CNTNAP3B: variants seen among roughly 807,000 people sequenced by gnomAD.
CNTNAP3B encodes contactin associated protein family member 3B, also known as contactin-associated protein-like 3B.
Under a neutral mutation model 108.9 loss-of-function variants are expected in CNTNAP3B, and 25 were observed. The ratio of observed to expected loss-of-function variants is 0.23; its 90% CI spans 0.17 to 0.32. The LOEUF (loss-of-function observed/expected upper bound fraction) is 0.32. CNTNAP3B is among the 10% of genes least tolerant of loss of function. The pLI is 1.00. For synonymous variants in CNTNAP3B, 103 were observed against 473.4 expected (o/e 0.22, Z 10.16); for missense variants, 252 against 1,210.4 (o/e 0.21, Z 11.75).
chr9:42,112,240 A>G (rs1247214378), intron 1 of CNTNAP3B, among the ~76,000 whole-genome samples: 1 of 139,504 alleles, frequency 7.2e-6, no homozygotes, highest in Non-Finnish European at 1.5e-5. Flanking sequence ...GCTCAACTCA[A>G]GTTTTGTCTC....
chr9:41,966,956 G>T (rs893120449), intron 10 of CNTNAP3B, among the ~76,000 whole-genome samples: 1 of 150,370 alleles, frequency 6.7e-6, no homozygotes, highest in African/African-American at 2.5e-5. Context: ...GATAGAGCGA[G>T]ACTCTGTCTC....
At chr9:42,046,088 G>T (rs1263162091) in intron 3 of CNTNAP3B, among the ~76,000 whole-genome samples, 1 of 126,560 alleles carries the variant, frequency 7.9e-6, no homozygotes, top group Non-Finnish European at 1.7e-5. Context: ...CACAGTCAGT[G>T]CTGTGGGCTC....
intron 9 of CNTNAP3B, chr9:41,983,658 C>A (rs1250229911): frequency 5.3e-5 from 5 of 94,378 alleles, no homozygotes; most frequent in African/African-American, 1.6e-4. Context: ...TTCCTTAAGC[C>A]AACTTCGCTC....
intron 2 of CNTNAP3B, among the ~76,000 whole-genome samples, chr9:42,098,415 TA>T: frequency 5.2e-5 from 1 of 19,282 alleles, no homozygotes; most frequent in East Asian, 2.4e-3. Flanking sequence ...CTACTAAAAA[TA>T]CAAAAAAAAA....
intron 17 of CNTNAP3B, among the ~76,000 whole-genome samples, chr9:41,921,089 T>A (rs1823655073): frequency 6.6e-6 from 1 of 152,312 alleles, no homozygotes; most frequent in Non-Finnish European, 1.5e-5. Context: ...TCCCAGAGAT[T>A]CCAATTCGGT....
intron 4 of CNTNAP3B, among the ~76,000 whole-genome samples, chr9:42,012,210 C>T (rs557527790): frequency 8.4e-6 from 1 of 118,348 alleles, no homozygotes; most frequent in Non-Finnish European, 1.8e-5. Flanking sequence ...GGTAACTTCA[C>T]AGCATCAAAG....
At position 41,922,133 on chromosome 9, in the gene CNTNAP3B, T is replaced by C. The variant is rs531398956; in HGVS notation, c.2755+544A>G. On this transcript the variant is annotated intron_variant, in intron 17 of 23. Transcript: ENST00000377561. ...ACTTCTCTGAGGCTTGGCTATCTCA[T>C]CTGTAAACAGATGACAATACCTAAA... is the stretch of plus-strand genomic sequence containing the variant. 4.1e-3 allele frequency among the ~76,000 whole-genome samples: 567 copies of C among 138,590 alleles called. 39 individuals carry two copies. Among genetic ancestry groups the C allele is most frequent in the African/African-American group, 0.015 (527 of 34,838 alleles). 90.9% of individuals were successfully genotyped at this position (138,590 alleles called of 152,430 possible).
chr9:41,932,305 CTTTTA>C (rs1355810209), intron 14 of CNTNAP3B, among the ~76,000 whole-genome samples: 4 of 152,044 alleles, frequency 2.6e-5, no homozygotes, highest in East Asian at 1.9e-4. Context: ...AGACTTTTTG[CTTTTA>C]TTTTATATTT....
intron 1 of CNTNAP3B, among the ~76,000 whole-genome samples, chr9:42,110,539 A>G (rs540643460): frequency 2.2e-5 from 3 of 137,128 alleles, no homozygotes; most frequent in East Asian, 2.2e-4. Context: ...TCTAAAAAAA[A>G]AAAAAAGAAA....
rs1369047808 is a variant in CNTNAP3B, at chr9:42,098,989, G to T, written c.196+5640C>A. Among the ~76,000 whole-genome samples, 18 of 137,068 alleles carry T rather than the reference G, an allele frequency of 1.3e-4. 4 individuals carry two copies. The highest frequency in any genetic ancestry group is 6.2e-5 in the Non-Finnish European group (4 of 64,420). 89.9% of individuals were successfully genotyped at this position (137,068 alleles called of 152,430 possible). A position where few individuals can be genotyped will look rare whatever the true frequency, so the allele number is the denominator to read the frequency against. On this transcript the variant is annotated intron_variant, in intron 2 of 23. Transcript: ENST00000377561. Reference sequence around the variant, plus strand: ...GCTGGTGCACCCAGAGTCGTGGCTAGGTTGTGTGCAGCACAAATTCCCACC... The same window carrying T: ...GCTGGTGCACCCAGAGTCGTGGCTATGTTGTGTGCAGCACAAATTCCCACC...
At chr9:41,963,654 A>G (rs1218519193) in intron 11 of CNTNAP3B, among the ~76,000 whole-genome samples, 1 of 151,796 alleles carries the variant, frequency 6.6e-6, no homozygotes, top group East Asian at 1.9e-4. Context: ...AGGTTTGGGT[A>G]AGGCCTGAGA....
In CNTNAP3B at chr9:42,090,769, CATGT is replaced by C. The variant is rs1827804661; in HGVS notation, c.197-13711_197-13708del. Among the ~76,000 whole-genome samples, 2 of 82,460 alleles carry C rather than the reference CATGT, an allele frequency of 2.4e-5. 1 individual carries two copies. Among genetic ancestry groups the C allele is most frequent in the South Asian group, 7.8e-4 (2 of 2,574 alleles). 54.1% of individuals were successfully genotyped at this position (82,460 alleles called of 152,430 possible). ...TGTGTTTATATGCACACACACTGAC[CATGT>C]ATGTACTGACATATATATACACACA... is the stretch of plus-strand genomic sequence containing the variant. On this transcript the variant is annotated intron_variant, in intron 2 of 23. Transcript: ENST00000377561.
At chr9:41,933,634 T>A (rs1276868253) in intron 14 of CNTNAP3B, among the ~76,000 whole-genome samples, 1 of 152,294 alleles carries the variant, frequency 6.6e-6, no homozygotes, top group East Asian at 1.9e-4. Flanking sequence ...TTCAGCAAAC[T>A]TACTGAACTC....
chr9:42,049,449 G>A lies in CNTNAP3B; in HGVS notation c.390+27420C>T, dbSNP rs1034057655. Among the ~76,000 whole-genome samples the A allele has an allele frequency of 1.1e-3, 148 of 132,392 alleles. 22 individuals are homozygous for A. The highest frequency in any genetic ancestry group is 4.3e-3 in the African/African-American group (140 of 32,710). 86.9% of individuals were successfully genotyped at this position (132,392 alleles called of 152,430 possible). ...TTTATGTAGCCAAATCCTCAATGTC[G>A]GCATACCTGCAGATGCTAATTCTAG... On this transcript the variant is annotated intron_variant, in intron 3 of 23. Transcript: ENST00000377561.
intron 12 of CNTNAP3B, among the ~76,000 whole-genome samples, chr9:41,956,255 A>G (rs1361136400): frequency 5.1e-4 from 77 of 151,838 alleles, no homozygotes; most frequent in African/African-American, 1.8e-3. Context: ...GCGTGGTGGC[A>G]CATGCCTGTA....
intron 2 of CNTNAP3B, among the ~76,000 whole-genome samples, chr9:42,096,600 A>G (rs1827905263): frequency 7.7e-6 from 1 of 129,104 alleles, no homozygotes; most frequent in African/African-American, 3.2e-5. Context: ...TGTTAATTGT[A>G]CATGTCATCC....
chr9:41,894,361 A>G (rs1229482635), intron 23 of CNTNAP3B, among the ~76,000 whole-genome samples: 7 of 97,596 alleles, frequency 7.2e-5, no homozygotes, highest in African/African-American at 3.2e-4. Context: ...CTCCTGGGCT[A>G]AAGTGATCCT....
intron 10 of CNTNAP3B, among the ~76,000 whole-genome samples, chr9:41,966,214 T>C (rs919695871): frequency 6.6e-6 from 1 of 152,280 alleles, no homozygotes; most frequent in Non-Finnish European, 1.5e-5. Context: ...CTTCTTAATA[T>C]AATGGAGCAT....
At chr9:42,044,010 G>A (rs1826815073) in intron 3 of CNTNAP3B, among the ~76,000 whole-genome samples, 1 of 119,938 alleles carries the variant, frequency 8.3e-6, no homozygotes, top group African/African-American at 3.4e-5. Flanking sequence ...GTCCTGCATG[G>A]GACGTGAATC....
Sources: allele counts gnomAD v4.1 joint callset (sites outside exome capture counted in the v4.1 genomes callset), GRCh38; gene constraint gnomAD v4.1.1; transcripts MANE v1.5; gene names NCBI Gene and HGNC (gene_info 2026-07-23, HGNC 2026-07-21).